CACNA1A: variants seen among roughly 807,000 people sequenced by gnomAD.
CACNA1A encodes voltage-dependent P/Q-type calcium channel subunit alpha-1A.
CACNA1A carries 57 observed loss-of-function variants against 262.4 expected under a neutral mutation model. The ratio of observed to expected loss-of-function variants is 0.22; its 90% CI spans 0.18 to 0.27. CACNA1A has a LOEUF of 0.27. CACNA1A is among the 10% of genes least tolerant of loss of function. The probability of loss-of-function intolerance (pLI) is 1.00; values close to 1 mark genes in which losing one functional copy is unlikely to be tolerated. For missense variants in CACNA1A, 2,526 were observed against 3,562.8 expected (o/e 0.71, Z 7.41); for synonymous variants, 1,431 against 1,419.3 (o/e 1.01, Z -0.18).
chr19:13,283,695 C>T, intron 21 of CACNA1A: 1 of 254,358 alleles, frequency 3.9e-6, no homozygotes, highest in South Asian at 8.0e-5. Context: ...GAAATACGGT[C>T]CTTAATTCTG....
chr19:13,439,646 C>A lies in CACNA1A; in HGVS notation c.539+13230G>T, dbSNP rs569026751. 3.3e-5 allele frequency among the ~76,000 whole-genome samples: 5 copies of A among 151,976 alleles called. No individual in the cohort carries two copies. In the East Asian group the frequency reaches 9.7e-4, roughly 29 times the overall value. ...CAGGATGGTCTCGATCTCCTGATCTCATGATCTGCCCGCCTCGGCCTCCCA... is the reference window on the plus strand; with the variant it reads ...CAGGATGGTCTCGATCTCCTGATCTAATGATCTGCCCGCCTCGGCCTCCCA... On this transcript the variant is annotated intron_variant, in intron 3 of 46. Transcript: ENST00000360228.
intron 4 of CACNA1A, among the ~76,000 whole-genome samples, chr19:13,368,348 T>C (rs1456932728): frequency 6.6e-6 from 1 of 151,834 alleles, no homozygotes; most frequent in Non-Finnish European, 1.5e-5. Flanking sequence ...CTTTTTTTTT[T>C]TTTTGAGATG....
At chr19:13,311,240 C>T (rs1248419592) in intron 12 of CACNA1A, among the ~76,000 whole-genome samples, 1 of 152,134 alleles carries the variant, frequency 6.6e-6, no homozygotes, top group African/African-American at 2.4e-5. Flanking sequence ...CAGGTGTGCA[C>T]CACCACACCT....
Position 13,308,376 on chromosome 19 carries a change from C to A in CACNA1A, c.1781+40G>T. The A allele has an allele frequency of 1.3e-6, 2 of 1,553,866 alleles. No individual in the cohort carries two copies. The highest frequency in any genetic ancestry group is 1.4e-5 in the African/African-American group (1 of 73,824). On this transcript the variant is annotated intron_variant, in intron 13 of 46. Coordinates refer to ENST00000360228, the MANE Select transcript of CACNA1A (RefSeq NM_001127222.2). This position sits in a 1 kb window ranked among gnomAD's most constrained non-coding sequence, Gnocchi z 4.2. Reference sequence around the variant, plus strand: ...GGCGGCCCCACCATGTCCCCCATCCCCACCCCCTGTACAAATGTCCAGGAA... The same window carrying A: ...GGCGGCCCCACCATGTCCCCCATCCACACCCCCTGTACAAATGTCCAGGAA...
intron 19 of CACNA1A, among the ~76,000 whole-genome samples, chr19:13,289,192 A>AGTGCAGTG (rs1392436032): frequency 3.0e-5 from 4 of 134,048 alleles, no homozygotes; most frequent in Non-Finnish European, 4.6e-5. Flanking sequence ...CCCAGGTTGT[A>AGTGCAGTG]GTGCAGTGGC....
At chr19:13,228,657 A>T in intron 36 of CACNA1A, 2 of 888,158 alleles carry the variant, frequency 2.3e-6, no homozygotes, top group Non-Finnish European at 3.5e-6. Context: ...CCCAAGCCAC[A>T]CTCATTCCAT....
intron 3 of CACNA1A, among the ~76,000 whole-genome samples, chr19:13,393,492 TTTCCTTCCTTCC>T (rs755728556): frequency 6.7e-5 from 8 of 120,250 alleles, no homozygotes; most frequent in African/African-American, 2.4e-4. Context: ...GCTGTTTTTT[TTTCCTTCCTTCC>T]TTTCCTTCCT....
chr19:13,300,233 T>A (rs2057760075), intron 18 of CACNA1A, among the ~76,000 whole-genome samples: 1 of 152,226 alleles, frequency 6.6e-6, no homozygotes, highest in Admixed American at 6.5e-5. Context: ...TGTAGTTCCA[T>A]CGCCTTCTAA....
At position 13,253,136 on chromosome 19, in the gene CACNA1A, G is replaced by A. The variant is rs142515890; in HGVS notation, c.4756-35C>T. Reference sequence around the variant, plus strand: ...AGAAGCAGGAGTAGCAGGGGTCAGCGAGCAGGGGTGGGAAGTGGGAAGTGG... The same window carrying A: ...AGAAGCAGGAGTAGCAGGGGTCAGCAAGCAGGGGTGGGAAGTGGGAAGTGG... On this transcript the variant is annotated intron_variant, in intron 29 of 46. Coordinates refer to ENST00000360228, the MANE Select transcript of CACNA1A (RefSeq NM_001127222.2). The A allele has an allele frequency of 5.8e-4, 799 of 1,381,810 alleles. 6 individuals are homozygous for A. In the East Asian group the frequency reaches 0.014, roughly 24 times the overall value. The allele number at this position is 1,381,810 out of a possible 1,614,324, so 85.6% of individuals were successfully genotyped here.
chr19:13,235,759 A>T, intron 31 of CACNA1A, 29 bp from the exon 32 acceptor site: 1 of 1,506,822 alleles, frequency 6.6e-7, no homozygotes, highest in Non-Finnish European at 9.2e-7. Context: ...AGGGGTGACC[A>T]TCCACCCACC....
At chr19:13,208,571 G>C (rs1476293547) in intron 46 of CACNA1A, among the ~76,000 whole-genome samples, 185 bp downstream of exon 46, 1 of 152,002 alleles carries the variant, frequency 6.6e-6, no homozygotes, top group Non-Finnish European at 1.5e-5. Flanking sequence ...TAGGCAGCTG[G>C]TGTGGTGGGG....
chr19:13,315,394 AC>A (rs1345453217), intron 11 of CACNA1A: 1 of 151,520 alleles, frequency 6.6e-6, no homozygotes, highest in South Asian at 2.1e-4. Flanking sequence ...AATCTACTTA[AC>A]CTCTCTGTGT....
At position 13,212,591 on chromosome 19, in the gene CACNA1A, C is replaced by A; in HGVS notation, c.6050+40G>T. On this transcript the variant is annotated intron_variant, in intron 41 of 46. Transcript: ENST00000360228. The surrounding 1 kb of genome is among the most constrained non-coding windows in gnomAD (Gnocchi z 5.6). ...AGCTTCCAGAACGTGGGGACCACGG[C>A]ACCCCCACACTCCACCTCCCTGGCA... is the stretch of plus-strand genomic sequence containing the variant. 1 of 1,507,550 alleles carries A rather than the reference C, an allele frequency of 6.6e-7. No individual in the cohort carries two copies. Among genetic ancestry groups the A allele is most frequent in the Admixed American group, 2.1e-5 (1 of 48,582 alleles). The allele number at this position is 1,507,550 out of a possible 1,614,324, so 93.4% of individuals were successfully genotyped here.
At chr19:13,247,101 G>T (rs2056257190) in intron 30 of CACNA1A, among the ~76,000 whole-genome samples, 1 of 152,162 alleles carries the variant, frequency 6.6e-6, no homozygotes, top group South Asian at 2.1e-4. Context: ...CTCCCCTCTG[G>T]GGTCAGTGGG....
intron 3 of CACNA1A, among the ~76,000 whole-genome samples, chr19:13,416,823 AAAAC>A (rs956073906): frequency 1.2e-4 from 18 of 152,018 alleles, no homozygotes; most frequent in African/African-American, 2.9e-4. Context: ...TCAAAAAACA[AAAAC>A]AAACAAACAA....
intron 38 of CACNA1A, among the ~76,000 whole-genome samples, chr19:13,217,676 C>T (rs1446027874): frequency 6.6e-6 from 1 of 152,086 alleles, no homozygotes; most frequent in African/African-American, 2.4e-5. Flanking sequence ...ACTGTGACAG[C>T]CAAATTCAGA....
intron 1 of CACNA1A, among the ~76,000 whole-genome samples, chr19:13,481,441 T>G (rs561676074): frequency 6.7e-6 from 1 of 149,780 alleles, no homozygotes; most frequent in Non-Finnish European, 1.5e-5. Flanking sequence ...CCGTTCTCCA[T>G]GGAGGGGAAG....
intron 1 of CACNA1A, among the ~76,000 whole-genome samples, chr19:13,497,502 AAAAAAAAAAAAAAAAAAAAATAT>A (rs1568709324): frequency 6.2e-4 from 23 of 37,294 alleles, no homozygotes; most frequent in Admixed American, 9.4e-4. Flanking sequence ...AAAAAAAAAA[AAAAAAAAAAAAAAAAAAAAATAT>A]ATATATATAT....
intron 6 of CACNA1A, among the ~76,000 whole-genome samples, chr19:13,354,878 T>C (rs371684588): frequency 1.1e-3 from 73 of 68,662 alleles, no homozygotes; most frequent in Non-Finnish European, 1.4e-3. Flanking sequence ...TCTTTTTTTT[T>C]TTTTTTTTTT....
Sources: allele counts gnomAD v4.1 joint callset (sites outside exome capture counted in the v4.1 genomes callset), GRCh38; gene constraint gnomAD v4.1.1; non-coding constraint Gnocchi (gnomAD v3.1); transcripts MANE v1.5; gene names NCBI Gene and HGNC (gene_info 2026-07-23, HGNC 2026-07-21).